Variants in SUPT6H observed in about 807,000 individuals in gnomAD.
The protein encoded by SUPT6H is transcription elongation factor SPT6.
In SUPT6H, 11 loss-of-function variants were observed where a neutral mutation model predicts 222.3. That is an observed-to-expected ratio of 0.05 (90% CI 0.03 to 0.08). The LOEUF (loss-of-function observed/expected upper bound fraction) is 0.08, where lower values mean the gene tolerates loss of function less well. SUPT6H is among the 10% of genes least tolerant of loss of function. The pLI, the probability that SUPT6H is intolerant of heterozygous loss-of-function variation, is 1.00. For synonymous variants in SUPT6H, 762 were observed against 801.2 expected (o/e 0.95, Z 0.83); for missense variants, 1,422 against 2,216.0 (o/e 0.64, Z 7.19).
rs1056398858 is a variant in SUPT6H, at chr17:28,695,563, A to C, written c.3970+16A>C. 1.2e-5 allele frequency: 20 copies of C among 1,608,468 alleles called. No homozygotes were observed. The highest frequency in any genetic ancestry group is 3.4e-5 in the Admixed American group (2 of 59,356). ...CAGCGGACCAGTGAGTGTGCCTCCC[A>C]CCATCTCTGTGCACCCTGCATCTTG... On this transcript the variant is annotated intron_variant, in intron 29 of 36. Transcript: ENST00000314616.
rs1057328741 is a variant in SUPT6H at position 28,688,807 on chromosome 17, T to C, written c.3135-547T>C. ...TAAAACTTCATTTTCCACTCAGCTTTGCTGTAACACTCCACGAATAACATA... is the reference window on the plus strand; with the variant it reads ...TAAAACTTCATTTTCCACTCAGCTTCGCTGTAACACTCCACGAATAACATA... On this transcript the variant is annotated intron_variant, in intron 24 of 36. Transcript: ENST00000314616. This position sits in a 1 kb window ranked among gnomAD's most constrained non-coding sequence, Gnocchi z 4.3. 2 of 154,662 alleles carry C rather than the reference T, an allele frequency of 1.3e-5. No individual in the cohort carries two copies. The highest frequency in any genetic ancestry group is 3.8e-4 in the East Asian group (2 of 5,238). 9.6% of individuals were successfully genotyped at this position (154,662 alleles called of 1,614,324 possible). A position where few individuals can be genotyped will look rare whatever the true frequency, so the allele number is the denominator to read the frequency against.
chr17:28,697,023 C>A lies in SUPT6H; in HGVS notation c.4150C>A (p.Arg1384=), dbSNP rs758820324. ...TGGCATCTACCAGCATGTGGATGTGCGGGAGGAGGGCAAGGAAAATGCCTT... is the reference window on the plus strand; with the variant it reads ...TGGCATCTACCAGCATGTGGATGTGAGGGAGGAGGGCAAGGAAAATGCCTT... ...SDGIYQHVDV[R]EEGKENAFSL... is the part of the protein sequence containing the mutation. Residue 1384 remains arginine (R), a synonymous_variant, in exon 30 of 37, where the codon CGG becomes AGG. Coordinates refer to ENST00000314616, the MANE Select transcript of SUPT6H (RefSeq NM_003170.5). 2.3e-5 allele frequency: 37 copies of A among 1,613,882 alleles called. No homozygotes were observed. In the South Asian group the frequency reaches 4.1e-4, roughly 18 times the overall value.
At chr17:28,689,115 A>G in intron 24 of SUPT6H, 1 of 468,314 alleles carries the variant, frequency 2.1e-6, no homozygotes. Context: ...CATTTACTAC[A>G]AAAATGGGAT....
At position 28,678,343 on chromosome 17, in the gene SUPT6H, G is replaced by A. The variant is rs16964489; in HGVS notation, c.1116+151G>A. ...AGGACCAGCAGAGACCCTAGTGATCGTAAGAACAATGCTACCCTGTCTGCA... is the reference window on the plus strand; with the variant it reads ...AGGACCAGCAGAGACCCTAGTGATCATAAGAACAATGCTACCCTGTCTGCA... On this transcript the variant is annotated intron_variant, in intron 9 of 36. Coordinates refer to ENST00000314616, the MANE Select transcript of SUPT6H (RefSeq NM_003170.5). 9,542 of 863,022 alleles carry A rather than the reference G, an allele frequency of 0.011. 578 individuals are homozygous for A. In the African/African-American group the frequency reaches 0.14, roughly 12 times the overall value. 53.5% of individuals were successfully genotyped at this position (863,022 alleles called of 1,614,324 possible).
At chr17:28,679,862 C>T (rs774943305) in intron 11 of SUPT6H, among the ~76,000 whole-genome samples, 1 of 149,182 alleles carries the variant, frequency 6.7e-6, no homozygotes, top group African/African-American at 2.5e-5. Flanking sequence ...TGGGGACAGG[C>T]GCCTGTAATT....
rs1237918584 is a variant in SUPT6H, at chr17:28,690,198, A to G, written c.3459A>G (p.Leu1153=). ...SPNTEEIFNM[L]TKETPETFYI... is the part of the protein sequence containing the mutation. ...ACACAGAGGAGATCTTCAATATGTT[A>G]ACCAAAGAAACACCAGAGACCTTCT... Residue 1153 remains leucine (L), a synonymous_variant, in exon 26 of 37, where the codon TTA becomes TTG. Coordinates refer to ENST00000314616, the MANE Select transcript of SUPT6H (RefSeq NM_003170.5). 3 of 1,613,992 alleles carry G rather than the reference A, an allele frequency of 1.9e-6. No homozygotes were observed. Among genetic ancestry groups the G allele is most frequent in the East Asian group, 2.2e-5 (1 of 44,860 alleles).
At chr17:28,669,199 T>G (rs2030265670) in intron 1 of SUPT6H, among the ~76,000 whole-genome samples, 2 of 151,974 alleles carry the variant, frequency 1.3e-5, no homozygotes, top group South Asian at 2.1e-4. Flanking sequence ...GTTTTTTGGG[T>G]TTTTTTGTTT....
At chr17:28,675,559 C>T in intron 6 of SUPT6H, 74 bp downstream of exon 6, 2 of 1,523,836 alleles carry the variant, frequency 1.3e-6, no homozygotes, top group Non-Finnish European at 9.0e-7. Flanking sequence ...GATCAGAGGC[C>T]TTTGCCAAAA....
chr17:28,683,465 A>T, intron 16 of SUPT6H, 43 bp downstream of exon 16: 2 of 1,609,540 alleles, frequency 1.2e-6, no homozygotes, highest in Non-Finnish European at 1.7e-6. Flanking sequence ...GGAAGGCCTG[A>T]TGAGGAGTCT....
At position 28,702,225 on chromosome 17, in the gene SUPT6H, C is replaced by G. The variant is rs1386901411; in HGVS notation, c.*600C>G. Reference sequence around the variant, plus strand: ...CCTGTCATTTGAATAAACAGTGTTTCTATTGAGCTCTTGCCAAAGCCTCTC... The same window carrying G: ...CCTGTCATTTGAATAAACAGTGTTTGTATTGAGCTCTTGCCAAAGCCTCTC... On this transcript the variant is annotated 3_prime_UTR_variant, in exon 37 of 37. Transcript: ENST00000314616. 1 of 153,304 alleles carries G rather than the reference C, an allele frequency of 6.5e-6. No individual in the cohort carries two copies. Among genetic ancestry groups the G allele is most frequent in the African/African-American group, 2.4e-5 (1 of 41,462 alleles). The allele number at this position is 153,304 out of a possible 1,614,324, so 9.5% of individuals were successfully genotyped here. A position where few individuals can be genotyped will look rare whatever the true frequency, so the allele number is the denominator to read the frequency against.
chr17:28,692,049 C>T (rs1384526771), intron 27 of SUPT6H, among the ~76,000 whole-genome samples: 2 of 151,602 alleles, frequency 1.3e-5, no homozygotes, highest in East Asian at 2.0e-4. Context: ...GCTGGCCGGG[C>T]GCGGTGGCTC....
intron 8 of SUPT6H, 59 bp from the exon 9 acceptor site, chr17:28,678,017 G>A: frequency 1.9e-6 from 3 of 1,542,744 alleles, no homozygotes; most frequent in Non-Finnish European, 2.7e-6. Flanking sequence ...AAGCAGTCTT[G>A]TATGGTAAGA....
intron 1 of SUPT6H, among the ~76,000 whole-genome samples, chr17:28,672,293 G>A (rs1015802046): frequency 2.0e-5 from 3 of 152,156 alleles, no homozygotes; most frequent in Non-Finnish European, 4.4e-5. Flanking sequence ...CCCTACATTA[G>A]TTTCTTTCCT....
In SUPT6H at chr17:28,700,392, G is replaced by C. The variant is rs2032084212; in HGVS notation, c.4686G>C (p.Gln1562His). Residue 1562 changes from glutamine to histidine, a missense_variant, in exon 35 of 37, where the codon CAG (glutamine) becomes CAC (histidine). Physicochemically the swap from Gln to His is conservative, Grantham distance 24. Coordinates refer to ENST00000314616, the MANE Select transcript of SUPT6H (RefSeq NM_003170.5). ...VNALPQNMTS[Q>H]MFSAIAAVTG... ...CCCTGCCTCAGAACATGACTTCACA[G>C]ATGTTCAGTGCCATTGCTGCGGTGA... is the stretch of plus-strand genomic sequence containing the variant. 1.2e-6 allele frequency: 2 copies of C among 1,614,116 alleles called. No individual in the cohort carries two copies. The highest frequency in any genetic ancestry group is 1.6e-4 in the Middle Eastern group (1 of 6,084).
chr17:28,696,146 A>G (rs753368257), intron 29 of SUPT6H, among the ~76,000 whole-genome samples: 1 of 152,066 alleles, frequency 6.6e-6, no homozygotes, highest in African/African-American at 2.4e-5. Flanking sequence ...TCTCTACCAA[A>G]CGTACAAAAA....
At chr17:28,683,142 T>C in intron 15 of SUPT6H, 50 bp downstream of exon 15, 1 of 1,561,838 alleles carries the variant, frequency 6.4e-7, no homozygotes, top group Non-Finnish European at 8.7e-7. Context: ...GCTCTTTCTT[T>C]GATTGCCTGA....
intron 35 of SUPT6H, 133 bp from the exon 36 acceptor site, chr17:28,700,807 TG>T: frequency 8.7e-7 from 1 of 1,147,056 alleles, no homozygotes; most frequent in Non-Finnish European, 1.3e-6. Flanking sequence ...TTCCCACTGC[TG>T]GTCAGAAGCA....
Position 28,687,662 on chromosome 17 carries a change from T to A in SUPT6H, c.3006+191T>A, listed in dbSNP as rs186808185. 5.4e-3 allele frequency among the ~76,000 whole-genome samples: 818 copies of A among 152,240 alleles called. 6 individuals are homozygous for A. Among genetic ancestry groups the A allele is most frequent in the Non-Finnish European group, 8.1e-3 (552 of 68,016 alleles). ...CCAAAGCTGTGCCCTTCACTGCTGC[T>A]TGCACCACCACACCCAGCTAATTTT... is the stretch of plus-strand genomic sequence containing the variant. On this transcript the variant is annotated intron_variant, in intron 23 of 36. Coordinates refer to ENST00000314616, the MANE Select transcript of SUPT6H (RefSeq NM_003170.5).
intron 28 of SUPT6H, among the ~76,000 whole-genome samples, chr17:28,694,427 T>C (rs926934474): frequency 2.6e-5 from 4 of 152,256 alleles, no homozygotes; most frequent in Non-Finnish European, 5.9e-5. Flanking sequence ...AATGGAAATA[T>C]TGTCTTTTGT....
Sources: gnomAD v4.1 joint callset for allele counts (sites outside exome capture counted in the v4.1 genomes callset) on GRCh38, gnomAD v4.1.1 for gene constraint, Gnocchi (gnomAD v3.1) non-coding constraint, MANE v1.5 for transcripts, NCBI Gene and HGNC (gene_info 2026-07-23, HGNC 2026-07-21) for gene names.